ERMAP: variants seen among roughly 807,000 people sequenced by gnomAD.
ERMAP encodes the protein erythroblast membrane associated protein (Scianna blood group), also known as erythroid membrane-associated protein.
In ERMAP, 34 loss-of-function variants were observed where a neutral mutation model predicts 49.5. The ratio of observed to expected loss-of-function variants is 0.69; its 90% CI spans 0.52 to 0.91. The LOEUF is 0.91. ERMAP is among the 40% of genes least tolerant of loss of function. ERMAP has a pLI of 0.00. For synonymous variants in ERMAP, 214 were observed against 232.2 expected, an observed-to-expected ratio of 0.92 and a Z score of 0.71; for missense variants, 541 against 582.6, an observed-to-expected ratio of 0.93 and a Z score of 0.74.
chr1:42,824,581 TTC>T, intron 1 of ERMAP: 1 of 152,360 alleles, frequency 6.6e-6, no homozygotes, highest in East Asian at 1.9e-4. Context: ...AGTACTTCAG[TTC>T]AAGAGTGTAT....
intron 6 of ERMAP, 35 bp from the exon 7 acceptor site, chr1:42,837,122 CA>C: frequency 6.2e-7 from 1 of 1,612,772 alleles, no homozygotes; most frequent in South Asian, 1.1e-5. Context: ...AAGGCAGTGG[CA>C]AAAAATCTCA....
chr1:42,830,318 T>C (rs1238164922), intron 2 of ERMAP, 126 bp from the exon 3 acceptor site: 4 of 746,278 alleles, frequency 5.4e-6, no homozygotes, highest in Non-Finnish European at 9.2e-6. Context: ...AGAGCTGGGA[T>C]TGGAGCCCCG....
chr1:42,830,610 A>G (rs1654692809), intron 3 of ERMAP, 77 bp downstream of exon 3: 1 of 1,542,668 alleles, frequency 6.5e-7, no homozygotes, highest in Admixed American at 1.7e-5. Flanking sequence ...CTTGGCTGGA[A>G]ACATTATGTC....
rs773011605 is a variant in ERMAP at position 42,831,120 on chromosome 1, G to C, written c.433+5G>C. On this transcript the variant is annotated splice_donor_5th_base_variant and intron_variant, in intron 4 of 11. Coordinates refer to ENST00000372517, the MANE Select transcript of ERMAP (RefSeq NM_001017922.2). ...CCGTGATCCTGCAGGTTGCAGGTTA[G>C]AATGGGTTTGAGGTGCCCAGGGTCA... The C allele has an allele frequency of 1.2e-6, 2 of 1,613,214 alleles. No individual in the cohort carries two copies. Among genetic ancestry groups the C allele is most frequent in the South Asian group, 2.2e-5 (2 of 90,912 alleles).
chr1:42,831,597 G>GTT (rs1654744157), intron 4 of ERMAP, among the ~76,000 whole-genome samples: 2 of 46,518 alleles, frequency 4.3e-5, no homozygotes, highest in African/African-American at 9.0e-5. Context: ...TTTTTTTTTT[G>GTT]TTTTGAGATA....
Position 42,840,026 on chromosome 1 carries a change from T to A in ERMAP, c.638-7T>A. 6.2e-7 allele frequency: 1 copy of A among 1,614,188 alleles called. No homozygotes were observed. The highest frequency in any genetic ancestry group is 8.5e-7 in the Non-Finnish European group (1 of 1,180,020). On this transcript the variant is annotated splice_polypyrimidine_tract_variant and splice_region_variant and intron_variant, in intron 8 of 11. Transcript: ENST00000372517. ...TTCTGATTTGCCAAATTGTTTTCAT[T>A]CTTTAGAGAAACTCCGGAGTGAACT...
chr1:42,826,069 T>C (rs975942797), intron 2 of ERMAP, among the ~76,000 whole-genome samples: 1 of 152,244 alleles, frequency 6.6e-6, no homozygotes, highest in Non-Finnish European at 1.5e-5. Flanking sequence ...ATTAAACTGC[T>C]TGGGACTGTC....
chr1:42,823,369 A>G (rs1227971597), intron 1 of ERMAP, among the ~76,000 whole-genome samples: 2 of 152,232 alleles, frequency 1.3e-5, no homozygotes, highest in East Asian at 1.9e-4. Context: ...TACAACATCA[A>G]AAAATCACAT....
At chr1:42,831,422 T>C (rs1286826381) in intron 4 of ERMAP, among the ~76,000 whole-genome samples, 1 of 152,100 alleles carries the variant, frequency 6.6e-6, no homozygotes, top group Non-Finnish European at 1.5e-5. Context: ...CTATGCTCCA[T>C]TATCAAGGAA....
intron 2 of ERMAP, among the ~76,000 whole-genome samples, chr1:42,828,490 T>TA (rs547395393): frequency 0.014 from 1,595 of 110,914 alleles, 23 homozygotes; most frequent in African/African-American, 0.048. Flanking sequence ...CATTCTTTTT[T>TA]TAAAAAAATT....
chr1:42,840,737 G>A (rs2124360041), intron 11 of ERMAP, among the ~76,000 whole-genome samples: 1 of 152,172 alleles, frequency 6.6e-6, no homozygotes. Context: ...TGATGCATAA[G>A]TGTTTTATTT....
chr1:42,832,443 C>T (rs943377125), intron 4 of ERMAP, among the ~76,000 whole-genome samples: 44 of 152,054 alleles, frequency 2.9e-4, no homozygotes, highest in Admixed American at 1.2e-3. Context: ...TCTGGGCTCA[C>T]CACAACCTCC....
intron 2 of ERMAP, 140 bp downstream of exon 2, chr1:42,825,878 C>G: frequency 9.6e-7 from 1 of 1,040,440 alleles, no homozygotes; most frequent in Non-Finnish European, 1.2e-6. Context: ...TTAGCTATCA[C>G]TAAAGAAACA....
Position 42,842,695 on chromosome 1 carries a change from G to GT in ERMAP, c.892dup (p.Tyr298LeufsTer14). ...CGACTGGCTGCCACTACTGGGAGGT[G>GT]TATGTGGGAGACAAGACCAAATGGA... On this transcript the variant is annotated frameshift_variant, in exon 12 of 12. Coordinates refer to ENST00000372517, the MANE Select transcript of ERMAP (RefSeq NM_001017922.2). LOFTEE classifies it high-confidence loss of function. 3 of 1,614,236 alleles carry GT rather than the reference G, an allele frequency of 1.9e-6. No individual in the cohort carries two copies. Among genetic ancestry groups the GT allele is most frequent in the Non-Finnish European group, 2.5e-6 (3 of 1,180,038 alleles).
At chr1:42,838,970 T>C (rs34303058) in intron 8 of ERMAP, 49 bp downstream of exon 8, 1 of 1,614,160 alleles carries the variant, frequency 6.2e-7, no homozygotes, top group African/African-American at 1.3e-5. Flanking sequence ...GCTGACACTT[T>C]TGCTTTGGGA....
rs1237016059 is a variant in ERMAP at position 42,844,145 on chromosome 1, C to T, written c.*913C>T. The stretch of plus-strand genomic sequence containing the variant: ...CAACGTAGAAGCTTTTTTTTCCCCA[C>T]AAGACCATTGTACTGCAATACTTGA... On this transcript the variant is annotated 3_prime_UTR_variant, in exon 12 of 12. Coordinates refer to ENST00000372517, the MANE Select transcript of ERMAP (RefSeq NM_001017922.2). The surrounding 1 kb of genome is among the most constrained non-coding windows in gnomAD (Gnocchi z 4.0). 1 of 398,544 alleles carries T rather than the reference C, an allele frequency of 2.5e-6. No individual in the cohort carries two copies. The highest frequency in any genetic ancestry group is 4.4e-6 in the Non-Finnish European group (1 of 226,040). 24.7% of individuals were successfully genotyped at this position (398,544 alleles called of 1,614,324 possible). A position where few individuals can be genotyped will look rare whatever the true frequency, so the allele number is the denominator to read the frequency against.
Position 42,842,998 on chromosome 1 carries a change from C to G in ERMAP, c.1194C>G (p.Cys398Trp), listed in dbSNP as rs771400354. ...SGPLRPFFEPCLHDGGKNTAP... is the reference protein window; with the variant it reads ...SGPLRPFFEPWLHDGGKNTAP... ...CCCTTCGCCCTTTCTTTGAACCTTG[C>G]CTTCATGATGGAGGAAAAAACACAG... is the stretch of plus-strand genomic sequence containing the variant. Residue 398 changes from cysteine (C) to tryptophan (W), a missense_variant, in exon 12 of 12, where the codon TGC becomes TGG. Transcript: ENST00000372517. 3 of 1,614,050 alleles carry G rather than the reference C, an allele frequency of 1.9e-6. No homozygotes were observed. Among genetic ancestry groups the G allele is most frequent in the African/African-American group, 1.3e-5 (1 of 74,910 alleles).
chr1:42,825,044 G>A (rs1427952921), intron 1 of ERMAP, among the ~76,000 whole-genome samples: 1 of 152,220 alleles, frequency 6.6e-6, no homozygotes, highest in Admixed American at 6.5e-5. Flanking sequence ...TGGGAATTAT[G>A]TACAATGGGC....
chr1:42,844,392 A>G lies in ERMAP; in HGVS notation c.*1160A>G, dbSNP rs2124373624. The G allele has an allele frequency of 3.0e-6, 1 of 336,174 alleles. No individual in the cohort carries two copies. Among genetic ancestry groups the G allele is most frequent in the East Asian group, 4.5e-5 (1 of 22,130 alleles). The allele number at this position is 336,174 out of a possible 1,614,324, so 20.8% of individuals were successfully genotyped here. The stretch of plus-strand genomic sequence containing the variant: ...CACAGTTCTATCCAACAGAAACTGT[A>G]TCTTTCTGTTTGTCAGAAGTTCTCC... On this transcript the variant is annotated 3_prime_UTR_variant, in exon 12 of 12. Transcript: ENST00000372517. The surrounding 1 kb of genome is among the most constrained non-coding windows in gnomAD (Gnocchi z 4.0).
Sources: allele counts gnomAD v4.1 joint callset (sites outside exome capture counted in the v4.1 genomes callset), GRCh38; gene constraint gnomAD v4.1.1; non-coding constraint Gnocchi (gnomAD v3.1); transcripts MANE v1.5; gene names NCBI Gene and HGNC (gene_info 2026-07-23, HGNC 2026-07-21).